GABRG1: variants seen among roughly 807,000 people sequenced by gnomAD.
GABRG1 encodes the protein gamma-aminobutyric acid type A receptor subunit gamma1, also known as gamma-aminobutyric acid receptor subunit gamma-1.
Under a neutral mutation model 49.8 loss-of-function variants are expected in GABRG1, and 49 were observed. That is an observed-to-expected ratio of 0.98 (90% CI 0.78 to 1.25). The LOEUF is 1.25. Ranked by LOEUF, GABRG1 falls within the 50% of genes most tolerant of loss-of-function variation. GABRG1 has a pLI of 0.00. For synonymous variants in GABRG1, 232 were observed against 185.1 expected, an observed-to-expected ratio of 1.25 and a Z score of -2.06; for missense variants, 552 against 552.3, an observed-to-expected ratio of 1.00 and a Z score of 0.01.
intron 8 of GABRG1, among the ~76,000 whole-genome samples, chr4:46,045,588 T>A: frequency 7.3e-6 from 1 of 137,330 alleles, no homozygotes; most frequent in Non-Finnish European, 1.6e-5. Flanking sequence ...AACAAGATGA[T>A]GGAAAGTTTC....
chr4:46,109,402 T>TTC, intron 1 of GABRG1, among the ~76,000 whole-genome samples: 1 of 151,134 alleles, frequency 6.6e-6, no homozygotes, highest in Middle Eastern at 3.4e-3. Flanking sequence ...TATTTGGATC[T>TTC]TCTCTCTCTC....
chr4:46,094,758 A>G (rs1450696161), intron 2 of GABRG1, among the ~76,000 whole-genome samples: 1 of 151,974 alleles, frequency 6.6e-6, no homozygotes, highest in Admixed American at 6.6e-5. Context: ...CAACACCACA[A>G]TCAAATCCAA....
Position 46,064,526 on chromosome 4 carries a change from A to G in GABRG1, c.543-3T>C. 1 of 1,418,152 alleles carries G rather than the reference A, an allele frequency of 7.1e-7. No homozygotes were observed. Among genetic ancestry groups the G allele is most frequent in the Non-Finnish European group, 9.5e-7 (1 of 1,048,176 alleles). 87.8% of individuals were successfully genotyped at this position (1,418,152 alleles called of 1,614,324 possible). On this transcript the variant is annotated splice_region_variant and splice_polypyrimidine_tract_variant and intron_variant, in intron 4 of 8. Transcript: ENST00000295452. ...AACATTCTGCATTAATTGTCAATCT[A>G]TTTAGATGGAAAGAAAAGTATTAAA... is the stretch of plus-strand genomic sequence containing the variant.
chr4:46,040,927 G>T lies in GABRG1; in HGVS notation c.*61C>A. On this transcript the variant is annotated 3_prime_UTR_variant, in exon 9 of 9. Coordinates refer to ENST00000295452, the MANE Select transcript of GABRG1 (RefSeq NM_173536.4). ...TAAATTTAAACTTCAAGTTACTGAA[G>T]CACAAAAGATTCTACTGAATTTAGT... is the stretch of plus-strand genomic sequence containing the variant. 1 of 1,488,710 alleles carries T rather than the reference G, an allele frequency of 6.7e-7. No individual in the cohort carries two copies. The allele number at this position is 1,488,710 out of a possible 1,614,324, so 92.2% of individuals were successfully genotyped here.
intron 4 of GABRG1, 119 bp from the exon 5 acceptor site, chr4:46,064,642 T>A: frequency 2.3e-6 from 1 of 437,472 alleles, no homozygotes; most frequent in East Asian, 3.8e-5. Flanking sequence ...CCTATTAGAA[T>A]ATAATAATGA....
intron 1 of GABRG1, among the ~76,000 whole-genome samples, chr4:46,110,142 A>G (rs1010593908): frequency 1.3e-5 from 2 of 150,976 alleles, no homozygotes; most frequent in Admixed American, 1.3e-4. Context: ...TGATTGGGTG[A>G]CTGTCTAAAT....
intron 8 of GABRG1, among the ~76,000 whole-genome samples, chr4:46,041,880 A>T (rs1302818186): frequency 6.6e-6 from 1 of 152,044 alleles, no homozygotes; most frequent in Non-Finnish European, 1.5e-5. Flanking sequence ...TTTCTGTGAT[A>T]GCTATGATAA....
At chr4:46,095,180 C>T (rs1054732092) in intron 2 of GABRG1, among the ~76,000 whole-genome samples, 1 of 151,484 alleles carries the variant, frequency 6.6e-6, no homozygotes, top group Admixed American at 6.6e-5. Flanking sequence ...TAATAATAGG[C>T]AGGAAAATAA....
rs767881393 is a variant in GABRG1, at chr4:46,065,569, T to C, written c.337A>G (p.Ile113Val). The change falls in exon 4 of 9, where the codon ATA (isoleucine) becomes GTA (valine). Residue 113 changes from isoleucine (I) to valine (V), a missense_variant. Physicochemically the swap from Ile to Val is conservative, Grantham distance 29. Transcript: ENST00000295452. ...DPINMEYTIDIIFAQTWFDSR... is the reference protein window; with the variant it reads ...DPINMEYTIDVIFAQTWFDSR... ...TCAAACCAGGTTTGGGCAAAAATTATATCTATTGTATATTCCTAAAATATA... is the reference window on the plus strand; with the variant it reads ...TCAAACCAGGTTTGGGCAAAAATTACATCTATTGTATATTCCTAAAATATA... The C allele has an allele frequency of 6.9e-7, 1 of 1,447,948 alleles. No homozygotes were observed. The highest frequency in any genetic ancestry group is 1.7e-5 in the Admixed American group (1 of 59,340). The allele number at this position is 1,447,948 out of a possible 1,614,324, so 89.7% of individuals were successfully genotyped here.
intron 7 of GABRG1, among the ~76,000 whole-genome samples, chr4:46,052,325 A>G: frequency 6.6e-6 from 1 of 151,854 alleles, no homozygotes; most frequent in African/African-American, 2.4e-5. Flanking sequence ...TTTCCACCAT[A>G]CATATACAGT....
intron 1 of GABRG1, among the ~76,000 whole-genome samples, chr4:46,119,863 A>G (rs1320515743): frequency 2.0e-5 from 3 of 151,708 alleles, no homozygotes; most frequent in Non-Finnish European, 4.4e-5. Flanking sequence ...ATTTAAGAAC[A>G]CACAAGGATC....
Position 46,097,200 on chromosome 4 carries a change from C to T in GABRG1, c.253+1G>A. The T allele has an allele frequency of 1.3e-6, 2 of 1,599,018 alleles. No individual in the cohort carries two copies. Among genetic ancestry groups the T allele is most frequent in the Non-Finnish European group, 1.7e-6 (2 of 1,173,372 alleles). On this transcript the variant is annotated splice_donor_variant, in intron 2 of 8. Transcript: ENST00000295452. LOFTEE classifies it high-confidence loss of function. ...ATCCCAGAATGGTAACTCAAGCTTACCTCCTATATCTGGACGAAGTTTATT... is the reference window on the plus strand; with the variant it reads ...ATCCCAGAATGGTAACTCAAGCTTATCTCCTATATCTGGACGAAGTTTATT...
intron 2 of GABRG1, among the ~76,000 whole-genome samples, chr4:46,094,033 AT>A (rs1348206691): frequency 6.6e-6 from 1 of 152,074 alleles, no homozygotes; most frequent in African/African-American, 2.4e-5. Flanking sequence ...ACACAGGCTA[AT>A]TTTTGAAATT....
intron 1 of GABRG1, among the ~76,000 whole-genome samples, chr4:46,122,705 G>T (rs768871357): frequency 6.6e-6 from 1 of 151,900 alleles, no homozygotes; most frequent in African/African-American, 2.4e-5. Context: ...TTACACTTAC[G>T]TTTATAATAA....
intron 1 of GABRG1, among the ~76,000 whole-genome samples, chr4:46,118,516 G>A (rs1428722264): frequency 6.6e-6 from 1 of 150,928 alleles, no homozygotes. Context: ...CATTGAGCAG[G>A]AATTCTGATT....
chr4:46,118,821 A>C (rs1721012072), intron 1 of GABRG1, among the ~76,000 whole-genome samples: 1 of 151,166 alleles, frequency 6.6e-6, no homozygotes, highest in Non-Finnish European at 1.5e-5. Context: ...AAAAACTATA[A>C]ATTTAATCTA....
At position 46,069,307 on chromosome 4, in the gene GABRG1, G is replaced by A. The variant is rs764426510; in HGVS notation, c.322-3723C>T. On this transcript the variant is annotated intron_variant, in intron 3 of 8. Coordinates refer to ENST00000295452, the MANE Select transcript of GABRG1 (RefSeq NM_173536.4). Reference sequence around the variant, plus strand: ...TCTAGTCACATGGCCAGAAGAGAACGGTGGACCTAATAATTTTTAGCAGTA... The same window carrying A: ...TCTAGTCACATGGCCAGAAGAGAACAGTGGACCTAATAATTTTTAGCAGTA... Among the ~76,000 whole-genome samples the A allele has an allele frequency of 7.2e-5, 11 of 151,984 alleles. No individual in the cohort carries two copies. In the South Asian group the frequency reaches 1.0e-3, roughly 14 times the overall value.
Position 46,059,379 on chromosome 4 carries a change from A to G in GABRG1, c.626-757T>C, listed in dbSNP as rs141576823. Among the ~76,000 whole-genome samples the G allele has an allele frequency of 8.2e-4, 125 of 151,784 alleles. 1 individual carries two copies. Among genetic ancestry groups the G allele is most frequent in the South Asian group, 1.9e-3 (9 of 4,800 alleles). ...CCAATCTTTTTTCCATAGAGAGTAT[A>G]CTAACATATTCTCCTTTTTTTTTTT... is the stretch of plus-strand genomic sequence containing the variant. On this transcript the variant is annotated intron_variant, in intron 5 of 8. Coordinates refer to ENST00000295452, the MANE Select transcript of GABRG1 (RefSeq NM_173536.4).
chr4:46,108,704 T>G (rs777943823), intron 1 of GABRG1, among the ~76,000 whole-genome samples: 3 of 150,952 alleles, frequency 2.0e-5, no homozygotes, highest in African/African-American at 4.8e-5. Context: ...TATTATTTGT[T>G]GTATGAATGA....
Sources: allele counts gnomAD v4.1 joint callset (sites outside exome capture counted in the v4.1 genomes callset), GRCh38; gene constraint gnomAD v4.1.1; transcripts MANE v1.5; gene names NCBI Gene and HGNC (gene_info 2026-07-23, HGNC 2026-07-21).